Variants in MCTP1 observed in about 807,000 individuals in gnomAD.
MCTP1 encodes multiple C2 and transmembrane domain-containing protein 1.
In MCTP1, 69 loss-of-function variants were observed where a neutral mutation model predicts 120.6. The observed-to-expected ratio is 0.57, with a 90% CI of 0.47 to 0.70. MCTP1 has a LOEUF of 0.70. MCTP1 is among the 30% of genes least tolerant of loss of function. The pLI, the probability that MCTP1 is intolerant of heterozygous loss-of-function variation, is 0.00. For missense variants in MCTP1, 1,203 were observed against 1,248.8 expected (o/e 0.96, Z 0.55); for synonymous variants, 529 against 493.1 (o/e 1.07, Z -0.96).
chr5:95,055,739 C>T (rs1486786047), intron 1 of MCTP1, among the ~76,000 whole-genome samples: 1 of 152,128 alleles, frequency 6.6e-6, no homozygotes, highest in African/African-American at 2.4e-5. Flanking sequence ...TAGCTATATC[C>T]CCCTGGGTAC....
intron 19 of MCTP1, among the ~76,000 whole-genome samples, chr5:94,751,753 C>T (rs1259548931): frequency 6.6e-6 from 1 of 152,062 alleles, no homozygotes; most frequent in Non-Finnish European, 1.5e-5. Context: ...CATGAAGGAA[C>T]AGAGAAGGGG....
rs1434145041 is a variant in MCTP1, at chr5:94,706,351, TATG to T, written c.*1142_*1144del. On this transcript the variant is annotated 3_prime_UTR_variant, in exon 23 of 23. Transcript: ENST00000515393. ...GAATGCAATTTTTAAGTATAGATTC[TATG>T]ATAATAGTGAAACATTGATAAAGGC... The T allele has an allele frequency of 4.6e-5, 7 of 151,702 alleles. No individual in the cohort carries two copies. Among genetic ancestry groups the T allele is most frequent in the Non-Finnish European group, 1.0e-4 (7 of 67,778 alleles). 9.4% of individuals were successfully genotyped at this position (151,702 alleles called of 1,614,324 possible). A position where few individuals can be genotyped will look rare whatever the true frequency, so the allele number is the denominator to read the frequency against.
Position 94,888,938 on chromosome 5 carries a change from A to G in MCTP1, c.1874T>C (p.Val625Ala). The change falls in exon 12 of 23, where the codon GTG becomes GCG. Residue 625 changes from valine (V) to alanine (A), a missense_variant. This residue lies in a region of MCTP1 where 740 missense variants were observed against 871.1 expected (regional missense o/e 0.85). Coordinates refer to ENST00000515393, the MANE Select transcript of MCTP1 (RefSeq NM_024717.7). Reference protein sequence around the residue: ...PLRIFHNLKDVGFLQVKVIRA... With the variant: ...PLRIFHNLKDAGFLQVKVIRA... ...GATGACTTTCACCTGGAGAAATCCC[A>G]CATCTTTCAGGTTGTGAAATATCCT... The G allele has an allele frequency of 6.2e-7, 1 of 1,613,936 alleles. No homozygotes were observed. Among genetic ancestry groups the G allele is most frequent in the Non-Finnish European group, 8.5e-7 (1 of 1,179,830 alleles).
chr5:95,037,225 G>A (rs555159800), intron 1 of MCTP1, among the ~76,000 whole-genome samples: 28 of 152,274 alleles, frequency 1.8e-4, no homozygotes, highest in African/African-American at 5.8e-4. Context: ...CCCCCAGGGC[G>A]TAGCCATCAA....
At chr5:94,751,971 G>T (rs761067772) in intron 19 of MCTP1, among the ~76,000 whole-genome samples, 2 of 147,654 alleles carry the variant, frequency 1.4e-5, no homozygotes, top group Non-Finnish European at 3.0e-5. Flanking sequence ...GGTGCAGGGA[G>T]GGGGGAGGGT....
chr5:95,036,890 C>G (rs1452966200), intron 1 of MCTP1, among the ~76,000 whole-genome samples: 4 of 132,920 alleles, frequency 3.0e-5, no homozygotes, highest in East Asian at 5.4e-4. Context: ...GTTACCCTAC[C>G]CTTATCCAGA....
intron 1 of MCTP1, among the ~76,000 whole-genome samples, chr5:95,212,774 C>T (rs1337156740): frequency 2.6e-5 from 4 of 152,106 alleles, no homozygotes; most frequent in African/African-American, 9.7e-5. Context: ...ACATGATTAT[C>T]TCAATAGATG....
intron 3 of MCTP1, among the ~76,000 whole-genome samples, chr5:94,948,681 A>T (rs1255721293): frequency 6.6e-6 from 1 of 152,138 alleles, no homozygotes; most frequent in Non-Finnish European, 1.5e-5. Context: ...TGTGCCCCAG[A>T]ATAACCTATT....
chr5:94,849,125 G>A (rs959721539), intron 17 of MCTP1, among the ~76,000 whole-genome samples: 2 of 151,918 alleles, frequency 1.3e-5, no homozygotes, highest in African/African-American at 4.8e-5. Flanking sequence ...AATATATGCA[G>A]GAATGGGAGT....
At chr5:94,746,255 T>C (rs1391885792) in intron 19 of MCTP1, among the ~76,000 whole-genome samples, 1 of 152,208 alleles carries the variant, frequency 6.6e-6, no homozygotes, top group Non-Finnish European at 1.5e-5. Context: ...CACACTTGAC[T>C]GGAGCCCTTT....
intron 1 of MCTP1, among the ~76,000 whole-genome samples, chr5:95,270,508 G>T (rs963788674): frequency 6.6e-6 from 1 of 152,226 alleles, no homozygotes; most frequent in Admixed American, 6.5e-5. Flanking sequence ...CACTGGGTAA[G>T]AAGCTCCACA....
chr5:94,760,613 G>C (rs1225009099), intron 19 of MCTP1, among the ~76,000 whole-genome samples: 1 of 151,844 alleles, frequency 6.6e-6, no homozygotes, highest in Non-Finnish European at 1.5e-5. Context: ...TGCTACCTAT[G>C]TACAGCAGAG....
chr5:95,121,606 T>C (rs1758246824), intron 1 of MCTP1, among the ~76,000 whole-genome samples: 1 of 151,540 alleles, frequency 6.6e-6, no homozygotes, highest in Admixed American at 6.6e-5. Flanking sequence ...GTAATCCTTA[T>C]CAAAATATCA....
intron 1 of MCTP1, among the ~76,000 whole-genome samples, chr5:95,099,574 TATC>T (rs1756552623): frequency 6.7e-6 from 1 of 150,300 alleles, no homozygotes; most frequent in South Asian, 2.1e-4. Flanking sequence ...CACAATGAGA[TATC>T]ATCTCACACC....
intron 1 of MCTP1, among the ~76,000 whole-genome samples, chr5:95,053,444 A>G (rs768208870): frequency 6.6e-6 from 1 of 152,152 alleles, no homozygotes; most frequent in African/African-American, 2.4e-5. Flanking sequence ...ACTGCCACCT[A>G]CAGCCTCTAA....
At position 95,015,348 on chromosome 5, in the gene MCTP1, G is replaced by T. The variant is rs564295821; in HGVS notation, c.838+2019C>A. On this transcript the variant is annotated intron_variant, in intron 2 of 22. Transcript: ENST00000515393. Reference sequence around the variant, plus strand: ...TTGTTATGGGTTCCTCCCACATCCTGGTTGATTTTAATTATTTATCTATTT... The same window carrying T: ...TTGTTATGGGTTCCTCCCACATCCTTGTTGATTTTAATTATTTATCTATTT... Among the ~76,000 whole-genome samples, 8 of 151,994 alleles carry T rather than the reference G, an allele frequency of 5.3e-5. No homozygotes were observed. The South Asian group carries it at 1.7e-3, about 32-fold the overall frequency.
intron 2 of MCTP1, among the ~76,000 whole-genome samples, chr5:95,003,164 C>T (rs891474713): frequency 1.3e-5 from 2 of 152,148 alleles, no homozygotes; most frequent in African/African-American, 4.8e-5. Context: ...TTAATTAAAC[C>T]TCTTTTCTTT....
chr5:95,122,195 A>T (rs566572793), intron 1 of MCTP1, among the ~76,000 whole-genome samples: 35 of 152,290 alleles, frequency 2.3e-4, no homozygotes, highest in African/African-American at 7.9e-4. Context: ...TAAACAATCA[A>T]CAAAGTGAAA....
In MCTP1 at chr5:94,888,909, C is replaced by G; in HGVS notation, c.1903G>C (p.Ala635Pro). The change falls in exon 12 of 23, where the codon GCG (alanine) becomes CCG (proline). Residue 635 changes from alanine to proline, a missense_variant. Ala to Pro is a conservative substitution (Grantham distance 27). Transcript: ENST00000515393. ...VGFLQVKVIR[A>P]EGLMAADVTG... The stretch of plus-strand genomic sequence containing the variant: ...ACGTCGGCAGCCATTAACCCTTCCG[C>G]TCTGATGACTTTCACCTGGAGAAAT... The G allele has an allele frequency of 6.2e-7, 1 of 1,613,870 alleles. No individual in the cohort carries two copies. The highest frequency in any genetic ancestry group is 8.5e-7 in the Non-Finnish European group (1 of 1,179,774).
Sources: gnomAD v4.1 joint callset for allele counts (sites outside exome capture counted in the v4.1 genomes callset) on GRCh38, gnomAD v4.1.1 for gene constraint, gnomAD v4.1.1 regional missense constraint, MANE v1.5 for transcripts, NCBI Gene and HGNC (gene_info 2026-07-23, HGNC 2026-07-21) for gene names.